Variants in PTK2 observed in about 807,000 individuals in gnomAD.
PTK2 encodes the protein protein tyrosine kinase 2, also known as focal adhesion kinase 1.
PTK2 carries 45 observed loss-of-function variants against 150.1 expected under a neutral mutation model. The ratio of observed to expected loss-of-function variants is 0.30; its 90% confidence interval spans 0.24 to 0.38. The LOEUF (loss-of-function observed/expected upper bound fraction) is 0.38, where lower values mean the gene tolerates loss of function less well. PTK2 is among the 10% of genes least tolerant of loss of function. The pLI, the probability that PTK2 is intolerant of heterozygous loss-of-function variation, is 1.00. For missense variants in PTK2, 919 were observed against 1,307.3 expected, an observed-to-expected ratio of 0.70 and a Z score of 4.58; for synonymous variants, 432 against 449.2, an observed-to-expected ratio of 0.96 and a Z score of 0.48.
At chr8:140,834,982 C>T (rs2100117837) in intron 7 of PTK2, among the ~76,000 whole-genome samples, 1 of 152,216 alleles carries the variant, frequency 6.6e-6, no homozygotes, top group Non-Finnish European at 1.5e-5. Context: ...TATGCACCTC[C>T]TCATATTCCT....
At chr8:140,969,070 C>T (rs2100186305) in intron 1 of PTK2, among the ~76,000 whole-genome samples, 1 of 152,146 alleles carries the variant, frequency 6.6e-6, no homozygotes, top group Non-Finnish European at 1.5e-5. Flanking sequence ...AACTAGAAAG[C>T]CTGAACAGAG....
At chr8:140,883,110 C>T (rs2100150148) in intron 3 of PTK2, among the ~76,000 whole-genome samples, 2 of 152,156 alleles carry the variant, frequency 1.3e-5, no homozygotes, top group Non-Finnish European at 2.9e-5. Context: ...ACCTTTTAGA[C>T]AGTACTTTCA....
intron 4 of PTK2, among the ~76,000 whole-genome samples, chr8:140,875,303 C>G (rs1328798917): frequency 1.3e-5 from 2 of 151,982 alleles, no homozygotes; most frequent in African/African-American, 2.4e-5. Flanking sequence ...ACAAAGAAAG[C>G]GTTAATTAAG....
chr8:140,819,362 A>G lies in PTK2; in HGVS notation c.649-342T>C, dbSNP rs142601190. Among the ~76,000 whole-genome samples, 6 of 152,328 alleles carry G rather than the reference A, an allele frequency of 3.9e-5. No homozygotes were observed. In the East Asian group the frequency reaches 1.2e-3, roughly 29 times the overall value. On this transcript the variant is annotated intron_variant, in intron 8 of 31. Coordinates refer to ENST00000522684, the Ensembl canonical transcript of PTK2. ...AAAGGTACTTGCACATTCCACTGTTAGGAGGGAAAAAAACAGTATATCTTT... is the reference window on the plus strand; with the variant it reads ...AAAGGTACTTGCACATTCCACTGTTGGGAGGGAAAAAAACAGTATATCTTT...
intron 31 of PTK2, among the ~76,000 whole-genome samples, chr8:140,661,783 C>T (rs1010131752): frequency 1.3e-5 from 2 of 152,050 alleles, no homozygotes; most frequent in Non-Finnish European, 2.9e-5. Flanking sequence ...AAAGCAGGGG[C>T]TCTGGCAATT....
chr8:140,775,398 C>T (rs756133510), intron 14 of PTK2, among the ~76,000 whole-genome samples: 1 of 152,006 alleles, frequency 6.6e-6, no homozygotes, highest in Non-Finnish European at 1.5e-5. Context: ...GGTGTGAGAA[C>T]TGTTTGAGCC....
chr8:140,717,488 C>T, intron 23 of PTK2, 110 bp downstream of exon 26: 1 of 828,620 alleles, frequency 1.2e-6, no homozygotes, highest in Admixed American at 2.0e-5. Context: ...AACTATTACT[C>T]TTAGAATAAC....
At chr8:140,864,421 G>C (rs1196118580) in intron 4 of PTK2, 22 bp from the exon 5 acceptor site, 8 of 1,373,788 alleles carry the variant, frequency 5.8e-6, no homozygotes, top group Non-Finnish European at 8.2e-6. Context: ...TCACAAAACA[G>C]AACAATTAGA....
At chr8:140,693,027 T>C (rs529755395) in intron 26 of PTK2, among the ~76,000 whole-genome samples, 6 of 152,022 alleles carry the variant, frequency 3.9e-5, no homozygotes, top group Non-Finnish European at 7.4e-5. Flanking sequence ...GTTTTAAGCA[T>C]AGTATCACAT....
chr8:140,807,776 T>C (rs1038128284), intron 10 of PTK2, among the ~76,000 whole-genome samples: 2 of 152,254 alleles, frequency 1.3e-5, no homozygotes, highest in Non-Finnish European at 2.9e-5. Flanking sequence ...ATTGCACCTA[T>C]CTTTTTATCT....
intron 14 of PTK2, among the ~76,000 whole-genome samples, chr8:140,766,743 A>G (rs2100072512): frequency 6.6e-6 from 1 of 152,250 alleles, no homozygotes; most frequent in Admixed American, 6.5e-5. Context: ...GAGGCAGCAC[A>G]GAAGTGAATG....
At chr8:140,771,904 C>T (rs143147496) in intron 14 of PTK2, among the ~76,000 whole-genome samples, 2,933 of 151,824 alleles carry the variant, frequency 0.019, 101 homozygotes, top group African/African-American at 0.066. Flanking sequence ...TTCAGCCTCC[C>T]GCGTAGCTGG....
At chr8:140,891,688 G>GAC (rs1273930310) in intron 2 of PTK2, among the ~76,000 whole-genome samples, 8 of 152,208 alleles carry the variant, frequency 5.3e-5, no homozygotes, top group African/African-American at 1.9e-4. Flanking sequence ...GAAGGGTGGA[G>GAC]ACTGTGTCAA....
intron 4 of PTK2, among the ~76,000 whole-genome samples, chr8:140,865,105 C>G (rs1247332556): frequency 6.6e-6 from 1 of 152,212 alleles, no homozygotes; most frequent in Non-Finnish European, 1.5e-5. Flanking sequence ...TTTACTCACT[C>G]TGATTGGCAT....
intron 23 of PTK2, among the ~76,000 whole-genome samples, chr8:140,717,308 G>A (rs2100040232): frequency 6.6e-6 from 1 of 152,080 alleles, no homozygotes; most frequent in African/African-American, 2.4e-5. Flanking sequence ...ATCAACAAAG[G>A]AAAAACCTCC....
intron 24 of PTK2, among the ~76,000 whole-genome samples, chr8:140,705,106 G>A (rs1233247788): frequency 6.6e-6 from 1 of 152,168 alleles, no homozygotes; most frequent in African/African-American, 2.4e-5. Flanking sequence ...TTAGACATTA[G>A]AATCTGGCGG....
At chr8:140,940,325 G>C (rs2100175209) in intron 1 of PTK2, among the ~76,000 whole-genome samples, 1 of 151,896 alleles carries the variant, frequency 6.6e-6, no homozygotes, top group Non-Finnish European at 1.5e-5. Context: ...CAAAAAAATT[G>C]GCCAGGTGTG....
intron 26 of PTK2, among the ~76,000 whole-genome samples, chr8:140,687,443 G>A (rs1055224235): frequency 1.3e-5 from 2 of 152,138 alleles, no homozygotes; most frequent in African/African-American, 4.8e-5. Flanking sequence ...AAGCAGAGCT[G>A]GTCGCTTCTT....
At chr8:140,964,805 C>T (rs1176367023) in intron 1 of PTK2, among the ~76,000 whole-genome samples, 2 of 152,104 alleles carry the variant, frequency 1.3e-5, no homozygotes, top group East Asian at 1.9e-4. Flanking sequence ...CAGAGATCTG[C>T]TATACATTCC....
Sources: allele counts gnomAD v4.1 joint callset (sites outside exome capture counted in the v4.1 genomes callset), GRCh38; gene constraint gnomAD v4.1.1; transcripts MANE v1.5; gene names NCBI Gene and HGNC (gene_info 2026-07-23, HGNC 2026-07-21).